The following NEURL1 variants were observed in gnomAD, a reference collection of about 807,000 sequenced individuals.
NEURL1 encodes E3 ubiquitin-protein ligase NEURL1.
NEURL1 carries 26 observed loss-of-function variants against 41.2 expected under a neutral mutation model. The ratio of observed to expected loss-of-function variants is 0.63; its 90% CI spans 0.46 to 0.87. The LOEUF (loss-of-function observed/expected upper bound fraction) is 0.87, where lower values mean the gene tolerates loss of function less well. NEURL1 is among the 40% of genes least tolerant of loss of function. The pLI is 0.00. For synonymous variants in NEURL1, 400 were observed against 402.3 expected (o/e 0.99, Z 0.07); for missense variants, 761 against 871.1 (o/e 0.87, Z 1.59).
chr10:103,496,023 T>C (rs956628029), intron 1 of NEURL1, among the ~76,000 whole-genome samples: 6 of 151,276 alleles, frequency 4.0e-5, no homozygotes, highest in Non-Finnish European at 7.4e-5. Context: ...GGCAGGAGAA[T>C]CCCTTGAATC....
rs1296267131 is a variant in NEURL1, at chr10:103,571,064, T to C, written c.278T>C (p.Ile93Thr). ...VKRQASFCNAITFSNRPVLIY... is the reference protein window; with the variant it reads ...VKRQASFCNATTFSNRPVLIY... ...AGGCAGGCCAGCTTCTGCAACGCCA[T>C]CACCTTCAGCAACCGCCCGGTCCTC... The change falls in exon 2 of 6, where the codon ATC becomes ACC. Residue 93 changes from isoleucine to threonine, a missense_variant. By Grantham distance (89) the Ile-to-Thr change is moderately conservative. This residue lies in a region of NEURL1 where 65 missense variants were observed against 131.6 expected (regional missense o/e 0.49). Transcript: ENST00000369780. 1 of 1,613,762 alleles carries C rather than the reference T, an allele frequency of 6.2e-7. No individual in the cohort carries two copies. Among genetic ancestry groups the C allele is most frequent in the Non-Finnish European group, 8.5e-7 (1 of 1,179,998 alleles).
Position 103,556,860 on chromosome 10 carries a change from T to C in NEURL1, c.86-14012T>C, listed in dbSNP as rs1305917943. On this transcript the variant is annotated intron_variant, in intron 1 of 5. Coordinates refer to ENST00000369780, the MANE Select transcript of NEURL1 (RefSeq NM_004210.5). This position sits in a 1 kb window ranked among gnomAD's most constrained non-coding sequence, Gnocchi z 4.4. ...AGGGCTTGCTGGCCCCGGCGGGGCC[T>C]GTTGGCAGAGGGTCTGGAGCCGACT... Among the ~76,000 whole-genome samples the C allele has an allele frequency of 6.6e-6, 1 of 152,088 alleles. No individual in the cohort carries two copies. The highest frequency in any genetic ancestry group is 1.5e-5 in the Non-Finnish European group (1 of 68,006).
At position 103,570,038 on chromosome 10, in the gene NEURL1, G is replaced by A. The variant is rs190322540; in HGVS notation, c.86-834G>A. Among the ~76,000 whole-genome samples the A allele has an allele frequency of 1.2e-4, 18 of 152,308 alleles. 1 individual carries two copies. Among genetic ancestry groups the A allele is most frequent in the Admixed American group, 2.0e-4 (3 of 15,308 alleles). Reference sequence around the variant, plus strand: ...TCCTCTAGGGAGTGAAAGGGTCTGGGGAGGCAGGCCCAATGCCGAGCTCTT... The same window carrying A: ...TCCTCTAGGGAGTGAAAGGGTCTGGAGAGGCAGGCCCAATGCCGAGCTCTT... On this transcript the variant is annotated intron_variant, in intron 1 of 5. Transcript: ENST00000369780.
chr10:103,583,181 G>A (rs930577616), intron 3 of NEURL1, among the ~76,000 whole-genome samples: 6 of 152,196 alleles, frequency 3.9e-5, no homozygotes, highest in Non-Finnish European at 8.8e-5. Context: ...GATGGAAGGA[G>A]CCCAGGAGTT....
At chr10:103,531,858 A>G (rs149017491) in intron 1 of NEURL1, among the ~76,000 whole-genome samples, 55 of 152,266 alleles carry the variant, frequency 3.6e-4, no homozygotes, top group African/African-American at 1.3e-3. Flanking sequence ...TATGCTTTAT[A>G]TATCTGGATG....
intron 3 of NEURL1, among the ~76,000 whole-genome samples, chr10:103,574,958 A>T (rs1211466004): frequency 6.6e-6 from 1 of 151,164 alleles, no homozygotes; most frequent in African/African-American, 2.4e-5. Flanking sequence ...CAATTGGCAG[A>T]TTGAGATATC....
chr10:103,565,327 CA>C (rs1453555099), intron 1 of NEURL1, among the ~76,000 whole-genome samples: 1 of 152,194 alleles, frequency 6.6e-6, no homozygotes, highest in Non-Finnish European at 1.5e-5. Context: ...TGAGTACAGA[CA>C]GAAGGGGCTG....
Position 103,569,893 on chromosome 10 carries a change from C to T in NEURL1, c.86-979C>T, listed in dbSNP as rs149081401. ...CTGCTGTCTGGGGCCTCTGGAGAAG[C>T]GGGGATTGGAGATGCAAAGTGGTAC... On this transcript the variant is annotated intron_variant, in intron 1 of 5. Coordinates refer to ENST00000369780, the MANE Select transcript of NEURL1 (RefSeq NM_004210.5). Among the ~76,000 whole-genome samples the T allele has an allele frequency of 1.7e-3, 265 of 152,232 alleles. 1 individual carries two copies. The highest frequency in any genetic ancestry group is 5.7e-3 in the African/African-American group (237 of 41,550).
At chr10:103,548,876 C>T (rs2034979070) in intron 1 of NEURL1, among the ~76,000 whole-genome samples, 1 of 152,180 alleles carries the variant, frequency 6.6e-6, no homozygotes, top group Non-Finnish European at 1.5e-5. Flanking sequence ...GCTTGCCTGT[C>T]CAACCTGAAG....
chr10:103,541,175 A>G (rs933858356), intron 1 of NEURL1, among the ~76,000 whole-genome samples: 1 of 152,224 alleles, frequency 6.6e-6, no homozygotes, highest in African/African-American at 2.4e-5. Flanking sequence ...ACTGGGTAGT[A>G]GTAGTCCAGG....
chr10:103,534,171 T>C (rs940001304), intron 1 of NEURL1, among the ~76,000 whole-genome samples: 6 of 125,744 alleles, frequency 4.8e-5, no homozygotes, highest in African/African-American at 1.7e-4. Context: ...TATCAGATTG[T>C]CTATCTGTAT....
chr10:103,589,348 C>T (rs564342629), intron 4 of NEURL1, among the ~76,000 whole-genome samples, 166 bp from the exon 5 acceptor site: 9 of 152,228 alleles, frequency 5.9e-5, no homozygotes, highest in South Asian at 2.1e-4. Context: ...CTATACTCCA[C>T]GGCGGTAATA....
chr10:103,586,885 C>T (rs2035934758), intron 4 of NEURL1, among the ~76,000 whole-genome samples: 1 of 152,096 alleles, frequency 6.6e-6, no homozygotes, highest in African/African-American at 2.4e-5. Flanking sequence ...CCCATTTCTA[C>T]TAAAATACAA....
At chr10:103,520,282 G>A (rs541960504) in intron 1 of NEURL1, among the ~76,000 whole-genome samples, 1 of 152,234 alleles carries the variant, frequency 6.6e-6, no homozygotes, top group South Asian at 2.1e-4. Flanking sequence ...TCACCTGGGT[G>A]CAGGCGGGCT....
rs146023099 is a variant in NEURL1, at chr10:103,590,171, G to T, written c.1524G>T (p.Ser508=). ...ATTCGCCAGTGAGCCTGCCCGAGTCGCCAGTGACCCCAGGTCTGGGCCAGT... is the reference window on the plus strand; with the variant it reads ...ATTCGCCAGTGAGCCTGCCCGAGTCTCCAGTGACCCCAGGTCTGGGCCAGT... ...APNSPVSLPE[S]PVTPGLGQWS... is the part of the protein sequence containing the mutation. The change falls in exon 6 of 6, where the codon TCG becomes TCT. Residue 508 remains serine, a synonymous_variant. Coordinates refer to ENST00000369780, the MANE Select transcript of NEURL1 (RefSeq NM_004210.5). 2 of 1,613,948 alleles carry T rather than the reference G, an allele frequency of 1.2e-6. No homozygotes were observed. The highest frequency in any genetic ancestry group is 1.7e-6 in the Non-Finnish European group (2 of 1,180,040).
In NEURL1 at chr10:103,589,607, C is replaced by G; in HGVS notation, c.1433C>G (p.Ser478Cys). 3 of 1,614,010 alleles carry G rather than the reference C, an allele frequency of 1.9e-6. No homozygotes were observed. The highest frequency in any genetic ancestry group is 2.5e-6 in the Non-Finnish European group (3 of 1,179,916). Residue 478 changes from serine (S) to cysteine (C), a missense_variant, in exon 5 of 6, where the codon TCT becomes TGT. Ser to Cys is a moderately radical substitution (Grantham distance 112). Around this residue, in one of 5 missense-constraint regions of NEURL1, gnomAD observed 443 missense variants for 408.1 expected, o/e 1.09. Coordinates refer to ENST00000369780, the MANE Select transcript of NEURL1 (RefSeq NM_004210.5). ...CCCAGTGCCCTGGGCAGCCGCCTGT[C>G]TGACCCCTTGCTCAGCACGTGCAGC... ...TSPSALGSRL[S>C]DPLLSTCSSG...
At chr10:103,571,173 C>A in intron 2 of NEURL1, 60 bp downstream of exon 2, 1 of 1,555,150 alleles carries the variant, frequency 6.4e-7, no homozygotes. Flanking sequence ...CATGGCATCC[C>A]CTGGGCCTCT....
intron 1 of NEURL1, among the ~76,000 whole-genome samples, chr10:103,504,150 C>T (rs983418817): frequency 1.3e-5 from 2 of 151,958 alleles, no homozygotes; most frequent in East Asian, 1.9e-4. Context: ...CACACCACCA[C>T]GCCCGGCTAA....
chr10:103,506,835 A>G (rs2033959491), intron 1 of NEURL1, among the ~76,000 whole-genome samples: 1 of 151,998 alleles, frequency 6.6e-6, no homozygotes, highest in African/African-American at 2.4e-5. Context: ...ACGGGGGATT[A>G]CAGGTGTGTG....
Sources: allele counts gnomAD v4.1 joint callset (sites outside exome capture counted in the v4.1 genomes callset), GRCh38; gene constraint gnomAD v4.1.1; regional missense constraint gnomAD v4.1.1; non-coding constraint Gnocchi (gnomAD v3.1); transcripts MANE v1.5; gene names NCBI Gene and HGNC (gene_info 2026-07-23, HGNC 2026-07-21).